Variants in NKAIN2 observed in about 807,000 individuals in gnomAD.
NKAIN2 encodes the protein sodium/potassium transporting ATPase interacting 2.
In NKAIN2, 14 loss-of-function variants were observed where a neutral mutation model predicts 32.6. The ratio of observed to expected loss-of-function variants is 0.43; its 90% CI spans 0.28 to 0.67. The LOEUF (loss-of-function observed/expected upper bound fraction) is 0.67. NKAIN2 is among the 30% of genes least tolerant of loss of function. The pLI is 0.17. For synonymous variants in NKAIN2, 80 were observed against 87.2 expected (o/e 0.92, Z 0.46); for missense variants, 198 against 258.3 (o/e 0.77, Z 1.60).
intron 4 of NKAIN2, among the ~76,000 whole-genome samples, chr6:124,683,706 C>T (rs541699337): frequency 3.3e-5 from 5 of 152,094 alleles, no homozygotes; most frequent in East Asian, 1.9e-4. Context: ...GAGCCAACAC[C>T]GACCTCTCTA....
intron 1 of NKAIN2, among the ~76,000 whole-genome samples, chr6:124,130,782 A>C (rs1786434121): frequency 6.6e-6 from 1 of 152,186 alleles, no homozygotes; most frequent in Non-Finnish European, 1.5e-5. Context: ...AAAAATGAAT[A>C]AAGTAATTAC....
intron 1 of NKAIN2, among the ~76,000 whole-genome samples, chr6:123,961,082 C>T (rs1391403768): frequency 2.0e-5 from 3 of 152,064 alleles, no homozygotes; most frequent in Non-Finnish European, 4.4e-5. Flanking sequence ...GTGTCTTTCC[C>T]CTTGTTCAAT....
At chr6:123,881,580 C>T (rs1773454203) in intron 1 of NKAIN2, among the ~76,000 whole-genome samples, 1 of 152,138 alleles carries the variant, frequency 6.6e-6, no homozygotes, top group South Asian at 2.1e-4. Context: ...ATAGAAAATG[C>T]ATTATCTTCC....
intron 4 of NKAIN2, among the ~76,000 whole-genome samples, chr6:124,730,163 C>G (rs1463855910): frequency 1.1e-5 from 1 of 91,028 alleles, no homozygotes; most frequent in African/African-American, 4.3e-5. Context: ...CAATGCCATC[C>G]CCATCAAGCT....
intron 1 of NKAIN2, among the ~76,000 whole-genome samples, chr6:123,979,694 A>G (rs1272836023): frequency 6.6e-6 from 1 of 152,194 alleles, no homozygotes; most frequent in Non-Finnish European, 1.5e-5. Flanking sequence ...ATATCAAGTT[A>G]TTGTCCTAAT....
intron 1 of NKAIN2, among the ~76,000 whole-genome samples, chr6:123,895,198 GAC>G (rs1054544992): frequency 1.3e-4 from 19 of 149,784 alleles, no homozygotes; most frequent in African/African-American, 2.2e-4. Context: ...CTCTCACACA[GAC>G]ACACACACAC....
At chr6:124,787,352 C>G (rs531938706) in intron 4 of NKAIN2, among the ~76,000 whole-genome samples, 1 of 151,938 alleles carries the variant, frequency 6.6e-6, no homozygotes, top group East Asian at 1.9e-4. Flanking sequence ...AAAGAAGACC[C>G]GGGAAGTAAG....
intron 1 of NKAIN2, among the ~76,000 whole-genome samples, chr6:124,046,812 A>T (rs1452728970): frequency 1.3e-5 from 2 of 151,978 alleles, no homozygotes; most frequent in East Asian, 3.9e-4. Context: ...GGTGTACATC[A>T]TGATGAACAC....
chr6:124,504,024 T>C (rs1778386498), intron 3 of NKAIN2, among the ~76,000 whole-genome samples: 1 of 152,164 alleles, frequency 6.6e-6, no homozygotes. Context: ...TATTCTTCTG[T>C]AGAACATTAG....
At chr6:124,422,352 A>T (rs1562174273) in intron 3 of NKAIN2, among the ~76,000 whole-genome samples, 1 of 152,012 alleles carries the variant, frequency 6.6e-6, no homozygotes, top group Non-Finnish European at 1.5e-5. Context: ...ACAATAAAAA[A>T]CTTGGAATAC....
chr6:124,674,134 C>A (rs1773244017), intron 4 of NKAIN2, among the ~76,000 whole-genome samples: 1 of 151,936 alleles, frequency 6.6e-6, no homozygotes, highest in Admixed American at 6.6e-5. Context: ...GTAGTCTTGA[C>A]AACCTTGTCA....
intron 1 of NKAIN2, among the ~76,000 whole-genome samples, chr6:123,914,135 T>A (rs1775362053): frequency 6.6e-6 from 1 of 152,082 alleles, no homozygotes; most frequent in Non-Finnish European, 1.5e-5. Context: ...ACATGGTTAG[T>A]CTGGTGAGGG....
chr6:124,139,481 T>C (rs909811847), intron 1 of NKAIN2, among the ~76,000 whole-genome samples: 2 of 152,244 alleles, frequency 1.3e-5, no homozygotes, highest in African/African-American at 4.8e-5. Context: ...GAGAAAAACA[T>C]CTTTCTAAAA....
chr6:124,329,706 A>C (rs1797574067), intron 2 of NKAIN2, among the ~76,000 whole-genome samples: 2 of 152,140 alleles, frequency 1.3e-5, no homozygotes, highest in Non-Finnish European at 2.9e-5. Flanking sequence ...TATCATCTCC[A>C]AGTTAGCACC....
chr6:124,214,283 AT>A (rs1791345939), intron 1 of NKAIN2, among the ~76,000 whole-genome samples: 1 of 152,178 alleles, frequency 6.6e-6, no homozygotes, highest in African/African-American at 2.4e-5. Flanking sequence ...TCTTGTGAGT[AT>A]TAATAGTAGT....
intron 1 of NKAIN2, among the ~76,000 whole-genome samples, chr6:124,213,015 T>G (rs1237810457): frequency 2.0e-5 from 3 of 152,162 alleles, no homozygotes; most frequent in Admixed American, 2.0e-4. Context: ...TGCTTTTACT[T>G]AGCTTCAAGC....
At chr6:124,750,073 G>A (rs1344659020) in intron 4 of NKAIN2, among the ~76,000 whole-genome samples, 2 of 151,758 alleles carry the variant, frequency 1.3e-5, no homozygotes, top group Non-Finnish European at 2.9e-5. Context: ...TACTAGGCCT[G>A]AGACTTTCAG....
intron 1 of NKAIN2, among the ~76,000 whole-genome samples, chr6:124,242,809 G>A (rs1457070785): frequency 2.7e-5 from 4 of 149,932 alleles, no homozygotes; most frequent in Non-Finnish European, 5.9e-5. Context: ...AACACTGCAT[G>A]TTCTCACTCA....
At chr6:124,334,002 T>G (rs972493154) in intron 2 of NKAIN2, among the ~76,000 whole-genome samples, 3 of 152,160 alleles carry the variant, frequency 2.0e-5, no homozygotes, top group Admixed American at 1.3e-4. Flanking sequence ...TAAAAAAAAG[T>G]TTTTATATTC....
Sources: gnomAD v4.1 joint callset for allele counts (sites outside exome capture counted in the v4.1 genomes callset) on GRCh38, gnomAD v4.1.1 for gene constraint, MANE v1.5 for transcripts, NCBI Gene and HGNC (gene_info 2026-07-23, HGNC 2026-07-21) for gene names.